Variants in ASXL1 observed in about 807,000 individuals in gnomAD.
ASXL1 encodes ASXL transcriptional regulator 1, also known as polycomb group protein ASXL1.
In ASXL1, 65 loss-of-function variants were observed where a neutral mutation model predicts 89.1. That is an observed-to-expected ratio of 0.73 (90% CI 0.60 to 0.90). The LOEUF is 0.90. ASXL1 is among the 40% of genes least tolerant of loss of function. ASXL1 has a pLI of 0.00. For missense variants in ASXL1, 1,786 were observed against 1,942.9 expected (o/e 0.92, Z 1.52); for synonymous variants, 739 against 746.9 (o/e 0.99, Z 0.17).
intron 4 of ASXL1, among the ~76,000 whole-genome samples, chr20:32,409,505 A>T (rs1166528981): frequency 6.6e-6 from 1 of 152,224 alleles, no homozygotes; most frequent in Non-Finnish European, 1.5e-5. Flanking sequence ...CAACAAGTAC[A>T]TTCTCTTTCA....
intron 1 of ASXL1, among the ~76,000 whole-genome samples, chr20:32,361,839 A>G (rs1389762391): frequency 3.2e-4 from 49 of 151,168 alleles, no homozygotes; most frequent in African/African-American, 1.1e-3. Context: ...GCCGAGGCAG[A>G]CGGATCACCT....
chr20:32,436,300 TC>T lies in ASXL1; in HGVS notation c.3590del (p.Pro1197LeufsTer20). The T allele has an allele frequency of 6.2e-7, 1 of 1,614,174 alleles. No homozygotes were observed. Among genetic ancestry groups the T allele is most frequent in the Non-Finnish European group, 8.5e-7 (1 of 1,180,032 alleles). On this transcript the variant is annotated frameshift_variant, in exon 13 of 13. Coordinates refer to ENST00000375687, the MANE Select transcript of ASXL1 (RefSeq NM_015338.6). LOFTEE classifies it high-confidence loss of function. ...TTGCCAGGATTGAGGCCACCCAGGC[TC>T]CTGGAGCACCCCAAAAGAATTGCAA... ...GLARIEATQA[P>X]GAPQKNCKAV... is the part of the protein sequence containing the mutation.
At position 32,429,933 on chromosome 20, in the gene ASXL1, G is replaced by T. The variant is rs368981019; in HGVS notation, c.598G>T (p.Gly200Cys). The stretch of plus-strand genomic sequence containing the variant: ...GGGCTGCCACGCCGATGGCGAGAGC[G>T]GCAGCCCGTCCAGCAGCAGCAGCGG... ...FSGCHADGES[G>C]SPSSSSSGSL... The change falls in exon 8 of 13, where the codon GGC becomes TGC. Residue 200 changes from glycine to cysteine, a missense_variant. By Grantham distance (159) the Gly-to-Cys change is radical. Coordinates refer to ENST00000375687, the MANE Select transcript of ASXL1 (RefSeq NM_015338.6). The surrounding 1 kb of genome is among the most constrained non-coding windows in gnomAD (Gnocchi z 4.9). The T allele has an allele frequency of 2.5e-6, 4 of 1,608,080 alleles. No individual in the cohort carries two copies. The African/African-American group carries it at 4.0e-5, about 16-fold the overall frequency.
chr20:32,362,242 C>T (rs577728654), intron 1 of ASXL1, among the ~76,000 whole-genome samples: 1 of 152,322 alleles, frequency 6.6e-6, no homozygotes, highest in Non-Finnish European at 1.5e-5. Flanking sequence ...ATTTGGAGTG[C>T]TTGCAATGGC....
At chr20:32,365,219 G>A (rs1178409518) in intron 1 of ASXL1, among the ~76,000 whole-genome samples, 1 of 152,094 alleles carries the variant, frequency 6.6e-6, no homozygotes, top group Non-Finnish European at 1.5e-5. Context: ...GTAGAGATTA[G>A]GTAGTTATCA....
At chr20:32,397,589 C>G (rs1034608372) in intron 4 of ASXL1, among the ~76,000 whole-genome samples, 2 of 151,756 alleles carry the variant, frequency 1.3e-5, no homozygotes, top group Non-Finnish European at 2.9e-5. Flanking sequence ...TTAGTAGAGG[C>G]AGGTTTCACC....
chr20:32,372,604 T>A lies in ASXL1; in HGVS notation c.252+3481T>A, dbSNP rs573003858. On this transcript the variant is annotated intron_variant, in intron 4 of 12. Coordinates refer to ENST00000375687, the MANE Select transcript of ASXL1 (RefSeq NM_015338.6). ...GTACTTCGTTATTATTTATTTATTT[T>A]TTTTTTCTGAGACAGAGTCTTGCTC... 377 of 212,634 alleles carry A rather than the reference T, an allele frequency of 1.8e-3. 2 individuals are homozygous for A. Among genetic ancestry groups the A allele is most frequent in the South Asian group, 4.2e-3 (24 of 5,776 alleles). 13.2% of individuals were successfully genotyped at this position (212,634 alleles called of 1,614,324 possible).
In ASXL1 at chr20:32,439,292, T is replaced by G; in HGVS notation, c.*1954T>G. 4.3e-6 allele frequency: 1 copy of G among 232,072 alleles called. No individual in the cohort carries two copies. The highest frequency in any genetic ancestry group is 8.5e-6 in the Non-Finnish European group (1 of 117,064). 14.4% of individuals were successfully genotyped at this position (232,072 alleles called of 1,614,324 possible). A position where few individuals can be genotyped will look rare whatever the true frequency, so the allele number is the denominator to read the frequency against. On this transcript the variant is annotated 3_prime_UTR_variant, in exon 13 of 13. Coordinates refer to ENST00000375687, the MANE Select transcript of ASXL1 (RefSeq NM_015338.6). ...CTGCTTCTGTATGTCTCTTGTGGTA[T>G]TGGAACAATAAACCCGTACAACCTG...
At chr20:32,359,287 A>G (rs1238411334) in intron 1 of ASXL1, 2 of 702,598 alleles carry the variant, frequency 2.8e-6, no homozygotes, top group Non-Finnish European at 5.2e-6. Flanking sequence ...AAGCGACCCC[A>G]CATTCAAGGA....
At chr20:32,388,784 T>C (rs1400512220) in intron 4 of ASXL1, among the ~76,000 whole-genome samples, 1 of 152,154 alleles carries the variant, frequency 6.6e-6, no homozygotes, top group Admixed American at 6.6e-5. Context: ...TTTAAGATAG[T>C]GATTATTCAT....
At chr20:32,362,137 T>G (rs567010027) in intron 1 of ASXL1, among the ~76,000 whole-genome samples, 3 of 152,160 alleles carry the variant, frequency 2.0e-5, no homozygotes, top group Non-Finnish European at 4.4e-5. Context: ...ACTGGAGAAT[T>G]TGTGAGAGCG....
intron 4 of ASXL1, among the ~76,000 whole-genome samples, chr20:32,392,954 G>C (rs897572751): frequency 6.6e-6 from 1 of 152,148 alleles, no homozygotes; most frequent in African/African-American, 2.4e-5. Context: ...CTGTTGTTAG[G>C]TAGAGCATTC....
Position 32,411,215 on chromosome 20 carries a change from C to CTTTT in ASXL1, c.253-16890_253-16887dup, listed in dbSNP as rs71187118. Among the ~76,000 whole-genome samples the CTTTT allele has an allele frequency of 6.4e-3, 343 of 53,438 alleles. 82 individuals carry two copies. Among genetic ancestry groups the CTTTT allele is most frequent in the South Asian group, 0.013 (12 of 916 alleles). 35.1% of individuals were successfully genotyped at this position (53,438 alleles called of 152,430 possible). A position where few individuals can be genotyped will look rare whatever the true frequency, so the allele number is the denominator to read the frequency against. ...TTTATTCGTTGTGAATTTATGGATT[C>CTTTT]TTTTTTTTTTTTTTTTTTTTTTTTT... is the stretch of plus-strand genomic sequence containing the variant. On this transcript the variant is annotated intron_variant, in intron 4 of 12. Transcript: ENST00000375687.
At chr20:32,434,291 A>G (rs1265767847) in intron 12 of ASXL1, 141 bp from the exon 13 acceptor site, 4 of 1,097,862 alleles carry the variant, frequency 3.6e-6, no homozygotes, top group East Asian at 2.5e-5. Context: ...CCATTTTACT[A>G]TGATGATTTC....
At chr20:32,392,515 C>T (rs979453439) in intron 4 of ASXL1, among the ~76,000 whole-genome samples, 6 of 146,580 alleles carry the variant, frequency 4.1e-5, no homozygotes, top group East Asian at 2.1e-4. Flanking sequence ...CTCTTGACCT[C>T]GTGATCTGCC....
chr20:32,369,868 G>A (rs556458237), intron 4 of ASXL1, among the ~76,000 whole-genome samples: 2 of 151,202 alleles, frequency 1.3e-5, no homozygotes, highest in South Asian at 2.1e-4. Flanking sequence ...AGCTAAGAGT[G>A]CACTACCATG....
At chr20:32,372,868 C>T (rs1368437809) in intron 4 of ASXL1, among the ~76,000 whole-genome samples, 1 of 151,270 alleles carries the variant, frequency 6.6e-6, no homozygotes, top group Non-Finnish European at 1.5e-5. Context: ...GCTGGGATTA[C>T]AGGTGTGAGC....
intron 4 of ASXL1, among the ~76,000 whole-genome samples, chr20:32,398,719 C>T (rs1404093849): frequency 1.3e-5 from 2 of 149,726 alleles, no homozygotes; most frequent in African/African-American, 4.9e-5. Flanking sequence ...ACGCCATTCT[C>T]CTGCCTCAGC....
chr20:32,383,511 G>A (rs2048525414), intron 4 of ASXL1, among the ~76,000 whole-genome samples: 1 of 152,042 alleles, frequency 6.6e-6, no homozygotes, highest in Non-Finnish European at 1.5e-5. Context: ...GTTTCACTGT[G>A]TTTGCCAGGA....
Sources: allele counts gnomAD v4.1 joint callset (sites outside exome capture counted in the v4.1 genomes callset), GRCh38; gene constraint gnomAD v4.1.1; non-coding constraint Gnocchi (gnomAD v3.1); transcripts MANE v1.5; gene names NCBI Gene and HGNC (gene_info 2026-07-23, HGNC 2026-07-21).